AXDND1: variants seen among roughly 807,000 people sequenced by gnomAD.
The protein encoded by AXDND1 is axonemal dynein light chain domain containing 1, also known as axonemal dynein light chain domain-containing protein 1.
AXDND1 carries 110 observed loss-of-function variants against 137.5 expected under a neutral mutation model. That is an observed-to-expected ratio of 0.80 (90% confidence interval 0.69 to 0.94). The LOEUF (loss-of-function observed/expected upper bound fraction) is 0.94. AXDND1 is among the 40% of genes least tolerant of loss of function. The probability of loss-of-function intolerance (pLI) is 0.00; values close to 1 mark genes in which losing one functional copy is unlikely to be tolerated. For missense variants in AXDND1, 1,191 were observed against 1,169.8 expected, an observed-to-expected ratio of 1.02 and a Z score of -0.26; for synonymous variants, 414 against 399.7, an observed-to-expected ratio of 1.04 and a Z score of -0.43.
chr1:179,552,406 T>C, intron 25 of AXDND1: 1 of 627,034 alleles, frequency 1.6e-6, no homozygotes, highest in Non-Finnish European at 2.9e-6. Context: ...TATCAGTAGC[T>C]TCAGAGAGGG....
intron 4 of AXDND1, among the ~76,000 whole-genome samples, chr1:179,375,693 C>T (rs1172237860): frequency 6.6e-6 from 1 of 152,064 alleles, no homozygotes; most frequent in Admixed American, 6.6e-5. Context: ...ACTTCTCCAG[C>T]ATTTATTGGT....
chr1:179,548,495 A>C (rs560467371), intron 25 of AXDND1, among the ~76,000 whole-genome samples: 1 of 152,286 alleles, frequency 6.6e-6, no homozygotes, highest in African/African-American at 2.4e-5. Flanking sequence ...CCAAGCCCAG[A>C]AGAAGCCGTT....
Position 179,448,439 on chromosome 1 carries a change from A to G in AXDND1, c.1798+3235A>G, listed in dbSNP as rs1351307232. The G allele has an allele frequency of 5.5e-6, 3 of 541,490 alleles. No individual in the cohort carries two copies. In the Admixed American group the frequency reaches 8.0e-5, roughly 14 times the overall value. 33.5% of individuals were successfully genotyped at this position (541,490 alleles called of 1,614,324 possible). On this transcript the variant is annotated intron_variant, in intron 16 of 25. Coordinates refer to ENST00000367618, the MANE Select transcript of AXDND1 (RefSeq NM_144696.6). ...TGTGATTTGTATTTTCTTCTGCACC[A>G]TTTTCAGCCACCTTTCCTTATTTCC...
At chr1:179,500,300 GTATA>G (rs201532476) in intron 20 of AXDND1, among the ~76,000 whole-genome samples, 1 of 137,866 alleles carries the variant, frequency 7.3e-6, no homozygotes, top group South Asian at 2.4e-4. Context: ...GGCTATATAT[GTATA>G]TATATATATA....
intron 18 of AXDND1, among the ~76,000 whole-genome samples, chr1:179,484,639 A>G (rs1442355261): frequency 1.3e-5 from 2 of 152,052 alleles, no homozygotes; most frequent in African/African-American, 4.8e-5. Flanking sequence ...TACCCATCAC[A>G]GCCTCCCCCA....
intron 20 of AXDND1, among the ~76,000 whole-genome samples, chr1:179,496,048 T>G (rs1415690933): frequency 6.6e-6 from 1 of 151,972 alleles, no homozygotes; most frequent in African/African-American, 2.4e-5. Context: ...AAACCAGTAT[T>G]GTATTCCTGG....
intron 25 of AXDND1, chr1:179,543,295 A>T (rs1672337338): frequency 6.6e-6 from 1 of 152,168 alleles, no homozygotes; most frequent in African/African-American, 2.4e-5. Flanking sequence ...ATCAAGAGGG[A>T]AGTTTGCAAA....
At position 179,534,950 on chromosome 1, in the gene AXDND1, T is replaced by C; in HGVS notation, c.3019T>C (p.Ser1007Pro). 1 of 1,605,468 alleles carries C rather than the reference T, an allele frequency of 6.2e-7. No individual in the cohort carries two copies. Among genetic ancestry groups the C allele is most frequent in the Non-Finnish European group, 8.5e-7 (1 of 1,178,016 alleles). The change falls in exon 25 of 26, where the codon TCT (serine) becomes CCT (proline). Residue 1007 changes from serine (S) to proline (P), a missense_variant. By Grantham distance (74) the Ser-to-Pro change is moderately conservative. Transcript: ENST00000367618. The stretch of plus-strand genomic sequence containing the variant: ...CAGGTCAGCAGAAAATTCCTCAAAA[T>C]CTCCAAAGAAAGGTAAGGATTGCTT... Reference protein sequence around the residue: ...EVRSAENSSKSPKKGH With the variant: ...EVRSAENSSKPPKKGH
rs1657220731 is a variant in AXDND1 at position 179,430,588 on chromosome 1, A to G, written c.1469A>G (p.Lys490Arg). The change falls in exon 14 of 26, where the codon AAA becomes AGA. Residue 490 changes from lysine to arginine, a missense_variant. Lys to Arg is a conservative substitution (Grantham distance 26, BLOSUM62 2). Coordinates refer to ENST00000367618, the MANE Select transcript of AXDND1 (RefSeq NM_144696.6). ...AAAATTGTTAAGGATGGGCTTATCA[A>G]ATGGCAGGAGTTCTTCAAGTGAGTC... ...TLKIVKDGLI[K>R]WQEFFNEKDI... 2 of 1,611,598 alleles carry G rather than the reference A, an allele frequency of 1.2e-6. No individual in the cohort carries two copies. Among genetic ancestry groups the G allele is most frequent in the South Asian group, 1.1e-5 (1 of 90,762 alleles).
Position 179,392,409 on chromosome 1 carries a change from A to G in AXDND1, c.864-1494A>G, listed in dbSNP as rs139521221. On this transcript the variant is annotated intron_variant, in intron 9 of 25. Coordinates refer to ENST00000367618, the MANE Select transcript of AXDND1 (RefSeq NM_144696.6). Reference sequence around the variant, plus strand: ...ATTTAGGTTGGTTCCATATTTTTGCAGTTGCAAATTGTGCTACTGTAAACA... The same window carrying G: ...ATTTAGGTTGGTTCCATATTTTTGCGGTTGCAAATTGTGCTACTGTAAACA... 9.2e-4 allele frequency among the ~76,000 whole-genome samples: 140 copies of G among 152,308 alleles called. 1 individual carries two copies. Among genetic ancestry groups the G allele is most frequent in the African/African-American group, 3.0e-3 (126 of 41,578 alleles).
intron 25 of AXDND1, among the ~76,000 whole-genome samples, chr1:179,542,691 G>A (rs1672278535): frequency 1.3e-5 from 2 of 152,132 alleles, no homozygotes; most frequent in African/African-American, 4.8e-5. Flanking sequence ...ATGGAATGTG[G>A]GACTTTAGTT....
intron 25 of AXDND1, chr1:179,551,468 G>T (rs200406676): frequency 6.2e-7 from 1 of 1,612,474 alleles, no homozygotes; most frequent in Non-Finnish European, 8.5e-7. Context: ...AACATGTGAC[G>T]AAAGCAAAGT....
chr1:179,425,107 A>G (rs898857279), intron 12 of AXDND1, among the ~76,000 whole-genome samples: 8 of 152,080 alleles, frequency 5.3e-5, no homozygotes, highest in South Asian at 2.1e-4. Flanking sequence ...ATGTATGTCT[A>G]TTACTTTGCA....
At chr1:179,427,742 A>G (rs1043149104) in intron 12 of AXDND1, among the ~76,000 whole-genome samples, 2 of 152,194 alleles carry the variant, frequency 1.3e-5, no homozygotes, top group African/African-American at 4.8e-5. Context: ...TAATCCCTTG[A>G]AACAGTACTA....
chr1:179,501,689 G>A (rs1558275592), intron 20 of AXDND1, among the ~76,000 whole-genome samples: 2 of 152,016 alleles, frequency 1.3e-5, no homozygotes, highest in Non-Finnish European at 2.9e-5. Flanking sequence ...CAGCCTGGGC[G>A]ACAGAGTGAG....
At chr1:179,420,933 A>G (rs1655585034) in intron 12 of AXDND1, among the ~76,000 whole-genome samples, 2 of 151,856 alleles carry the variant, frequency 1.3e-5, no homozygotes, top group Admixed American at 1.3e-4. Flanking sequence ...AGGTTTTCCA[A>G]TTTGTTCATG....
chr1:179,554,151 C>T (rs1017699803), intron 25 of AXDND1, among the ~76,000 whole-genome samples: 4 of 152,046 alleles, frequency 2.6e-5, no homozygotes, highest in Non-Finnish European at 5.9e-5. Context: ...TGACCTCAAG[C>T]GATCCACCCA....
intron 25 of AXDND1, chr1:179,550,763 G>C: frequency 3.6e-6 from 1 of 276,128 alleles, no homozygotes; most frequent in Non-Finnish European, 7.1e-6. Context: ...AAGAGCAATA[G>C]AGTGTGACAA....
chr1:179,382,173 G>A (rs1278483165), intron 6 of AXDND1, among the ~76,000 whole-genome samples: 1 of 151,752 alleles, frequency 6.6e-6, no homozygotes, highest in Non-Finnish European at 1.5e-5. Flanking sequence ...CCGCCTCCCA[G>A]GTTCAAGCAA....
Sources: gnomAD v4.1 joint callset for allele counts (sites outside exome capture counted in the v4.1 genomes callset) on GRCh38, gnomAD v4.1.1 for gene constraint, MANE v1.5 for transcripts, NCBI Gene and HGNC (gene_info 2026-07-23, HGNC 2026-07-21) for gene names.